The following SDK1 variants were observed in gnomAD, a reference collection of about 807,000 sequenced individuals.
SDK1 encodes protein sidekick-1.
A neutral mutation model predicts 245.5 loss-of-function variants in SDK1; 157 were observed. The observed-to-expected ratio is 0.64, with a 90% CI of 0.56 to 0.73. The LOEUF is 0.73. Among genes scored for constraint, SDK1 ranks in the 30% least tolerant of loss-of-function variants. The pLI is 0.00. For synonymous variants in SDK1, 1,647 were observed against 1,278.5 expected (o/e 1.29, Z -6.15); for missense variants, 3,583 against 3,002.3 (o/e 1.19, Z -4.52).
At chr7:3,999,078 T>G (rs368454962) in intron 14 of SDK1, among the ~76,000 whole-genome samples, 28 of 152,330 alleles carry the variant, frequency 1.8e-4, no homozygotes, top group African/African-American at 6.0e-4. Context: ...ATTTTCACTT[T>G]AGAATATCCT....
At chr7:3,570,243 G>C (rs1372283538) in intron 1 of SDK1, among the ~76,000 whole-genome samples, 1 of 152,090 alleles carries the variant, frequency 6.6e-6, no homozygotes, top group East Asian at 1.9e-4. Context: ...GTGATGATTT[G>C]GGGATGAAAC....
chr7:3,571,744 C>G (rs576863135), intron 1 of SDK1, among the ~76,000 whole-genome samples: 4 of 152,080 alleles, frequency 2.6e-5, no homozygotes, highest in Non-Finnish European at 2.9e-5. Context: ...ATATAACATT[C>G]TTGGTAATCA....
rs146238124 is a variant in SDK1, at chr7:3,765,799, G to T, written c.714-55651G>T. Among the ~76,000 whole-genome samples, 482 of 152,136 alleles carry T rather than the reference G, an allele frequency of 3.2e-3. 4 individuals are homozygous for T. Among genetic ancestry groups the T allele is most frequent in the African/African-American group, 0.011 (464 of 41,524 alleles). On this transcript the variant is annotated intron_variant, in intron 4 of 44. Coordinates refer to ENST00000404826, the MANE Select transcript of SDK1 (RefSeq NM_152744.4). ...TTTTTTTAAAAATTCTATGTAAAAGGCTGGCTGTTTTATCTGGATTCTATT... is the reference window on the plus strand; with the variant it reads ...TTTTTTTAAAAATTCTATGTAAAAGTCTGGCTGTTTTATCTGGATTCTATT...
At chr7:4,131,289 C>T (rs1432325689) in intron 27 of SDK1, among the ~76,000 whole-genome samples, 1 of 152,206 alleles carries the variant, frequency 6.6e-6, no homozygotes, top group Non-Finnish European at 1.5e-5. Flanking sequence ...ACATGCCTTC[C>T]TCCTCTGCTT....
chr7:3,536,045 T>G (rs959174504), intron 1 of SDK1, among the ~76,000 whole-genome samples: 11 of 150,126 alleles, frequency 7.3e-5, no homozygotes, highest in Non-Finnish European at 1.5e-4. Flanking sequence ...CATGTTTGAC[T>G]TGTGCTGGCA....
intron 30 of SDK1, among the ~76,000 whole-genome samples, chr7:4,155,904 A>T (rs930250402): frequency 6.6e-6 from 1 of 152,164 alleles, no homozygotes; most frequent in Non-Finnish European, 1.5e-5. Context: ...ACCCATCATG[A>T]TGCAGAAGAT....
At chr7:3,430,351 G>T (rs900080996) in intron 1 of SDK1, among the ~76,000 whole-genome samples, 2 of 152,052 alleles carry the variant, frequency 1.3e-5, no homozygotes, top group East Asian at 3.9e-4. Flanking sequence ...GCAAGTGTTA[G>T]AAAAATGCTA....
intron 1 of SDK1, among the ~76,000 whole-genome samples, chr7:3,483,162 G>C (rs796446063): frequency 4.4e-4 from 67 of 152,268 alleles, no homozygotes; most frequent in African/African-American, 1.6e-3. Context: ...GATGAGGATA[G>C]GGGTTACCTT....
At chr7:4,077,245 A>T in intron 21 of SDK1, 56 bp downstream of exon 21, 1 of 1,540,660 alleles carries the variant, frequency 6.5e-7, no homozygotes, top group Non-Finnish European at 8.9e-7. Flanking sequence ...GAGATTCCCG[A>T]GGCTAGAAGT....
intron 35 of SDK1, among the ~76,000 whole-genome samples, chr7:4,180,609 TA>T (rs1470456297): frequency 6.6e-6 from 1 of 152,230 alleles, no homozygotes; most frequent in Non-Finnish European, 1.5e-5. Context: ...CACACTGCTG[TA>T]AAGGGACGGG....
rs963791955 is a variant in SDK1, at chr7:3,869,619, C to A, written c.847+48036C>A. Among the ~76,000 whole-genome samples, 5 of 152,318 alleles carry A rather than the reference C, an allele frequency of 3.3e-5. No individual in the cohort carries two copies. In the East Asian group the frequency reaches 9.7e-4, roughly 29 times the overall value. On this transcript the variant is annotated intron_variant, in intron 5 of 44. Coordinates refer to ENST00000404826, the MANE Select transcript of SDK1 (RefSeq NM_152744.4). Reference sequence around the variant, plus strand: ...GCTCCTCCCCTCCCTGCTTGCTCAGCACTCGGCTTCCACAGGCCACATCTA... The same window carrying A: ...GCTCCTCCCCTCCCTGCTTGCTCAGAACTCGGCTTCCACAGGCCACATCTA...
At chr7:3,552,321 G>A (rs1779445421) in intron 1 of SDK1, among the ~76,000 whole-genome samples, 1 of 152,182 alleles carries the variant, frequency 6.6e-6, no homozygotes, top group East Asian at 1.9e-4. Context: ...GATTACAGGT[G>A]TGAGCCACCG....
At chr7:4,129,055 G>C in intron 26 of SDK1, among the ~76,000 whole-genome samples, 1 of 139,796 alleles carries the variant, frequency 7.2e-6, no homozygotes, top group African/African-American at 2.7e-5. Flanking sequence ...GACTAGAGCA[G>C]CTTGGGGTGG....
intron 26 of SDK1, among the ~76,000 whole-genome samples, chr7:4,127,968 G>A (rs1055390154): frequency 3.3e-5 from 5 of 152,230 alleles, no homozygotes; most frequent in Non-Finnish European, 1.5e-5. Context: ...TTCTATGTGT[G>A]TCATCACGGT....
rs933071773 is a variant in SDK1 at position 3,449,423 on chromosome 7, T to G, written c.298+147539T>G. On this transcript the variant is annotated intron_variant, in intron 1 of 44. Coordinates refer to ENST00000404826, the MANE Select transcript of SDK1 (RefSeq NM_152744.4). ...TTGGATTTAGCTGCCATTATACAAATGATGAAGGAGAGGCAAAGTAACTCC... is the reference window on the plus strand; with the variant it reads ...TTGGATTTAGCTGCCATTATACAAAGGATGAAGGAGAGGCAAAGTAACTCC... Among the ~76,000 whole-genome samples, 4 of 151,334 alleles carry G rather than the reference T, an allele frequency of 2.6e-5. No homozygotes were observed. In the Admixed American group the frequency reaches 2.8e-4, roughly 10 times the overall value.
At chr7:3,691,417 G>A (rs1315613344) in intron 4 of SDK1, among the ~76,000 whole-genome samples, 1 of 152,176 alleles carries the variant, frequency 6.6e-6, no homozygotes, top group Non-Finnish European at 1.5e-5. Flanking sequence ...GAAAAGAGTT[G>A]CATTGAAGAA....
chr7:4,025,437 T>C (rs1787266179), intron 17 of SDK1, among the ~76,000 whole-genome samples: 1 of 152,164 alleles, frequency 6.6e-6, no homozygotes, highest in Non-Finnish European at 1.5e-5. Flanking sequence ...GGGTTTAGCA[T>C]CTGTATCGGT....
At chr7:3,345,174 G>T (rs1194121307) in intron 1 of SDK1, among the ~76,000 whole-genome samples, 1 of 152,164 alleles carries the variant, frequency 6.6e-6, no homozygotes, top group East Asian at 1.9e-4. Flanking sequence ...CTGCATTTTG[G>T]ATTTGGAGGA....
chr7:3,375,093 C>T (rs566248480), intron 1 of SDK1, among the ~76,000 whole-genome samples: 11 of 152,140 alleles, frequency 7.2e-5, no homozygotes, highest in East Asian at 1.9e-4. Flanking sequence ...ATGCTGCATA[C>T]GCATTTTCCG....
Sources: allele counts gnomAD v4.1 joint callset (sites outside exome capture counted in the v4.1 genomes callset), GRCh38; gene constraint gnomAD v4.1.1; transcripts MANE v1.5; gene names NCBI Gene and HGNC (gene_info 2026-07-23, HGNC 2026-07-21).